CDH20: variants seen among roughly 807,000 people sequenced by gnomAD.
The protein encoded by CDH20 is cadherin 20.
CDH20 carries 29 observed loss-of-function variants against 74.2 expected under a neutral mutation model. That is an observed-to-expected ratio of 0.39 (90% CI 0.29 to 0.53). The LOEUF (loss-of-function observed/expected upper bound fraction) is 0.53, where lower values mean the gene tolerates loss of function less well. Ranked by LOEUF, CDH20 falls within the 20% of genes least tolerant of loss-of-function variation. CDH20 has a pLI of 0.69. For missense variants in CDH20, 988 were observed against 1,048.3 expected (o/e 0.94, Z 0.79); for synonymous variants, 469 against 405.4 (o/e 1.16, Z -1.88).
At chr18:61,482,222 C>G (rs1910613127) in intron 1 of CDH20, among the ~76,000 whole-genome samples, 1 of 152,096 alleles carries the variant, frequency 6.6e-6, no homozygotes, top group South Asian at 2.1e-4. Context: ...AGAGAAAGTT[C>G]CTGCCTCTTT....
intron 9 of CDH20, among the ~76,000 whole-genome samples, chr18:61,540,706 T>A (rs1913005207): frequency 6.6e-6 from 1 of 152,158 alleles, no homozygotes; most frequent in South Asian, 2.1e-4. Context: ...CCAAACCATA[T>A]CACTTCACTT....
chr18:61,490,061 C>T (rs1207655483), intron 1 of CDH20, among the ~76,000 whole-genome samples: 1 of 151,980 alleles, frequency 6.6e-6, no homozygotes, highest in East Asian at 1.9e-4. Flanking sequence ...AGTTTAAGAG[C>T]CTGTCTGATC....
At chr18:61,428,547 C>T (rs190002328) in intron 1 of CDH20, among the ~76,000 whole-genome samples, 26 of 152,252 alleles carry the variant, frequency 1.7e-4, no homozygotes, top group African/African-American at 6.3e-4. Context: ...CTCCATTTCC[C>T]ATCACTGTAG....
At chr18:61,438,559 A>G (rs889327399) in intron 1 of CDH20, among the ~76,000 whole-genome samples, 1 of 152,158 alleles carries the variant, frequency 6.6e-6, no homozygotes, top group African/African-American at 2.4e-5. Context: ...ACAATGAGAT[A>G]TCTCATGCCA....
chr18:61,537,132 T>G (rs1484013757), intron 8 of CDH20, among the ~76,000 whole-genome samples: 1 of 152,074 alleles, frequency 6.6e-6, no homozygotes, highest in Non-Finnish European at 1.5e-5. Flanking sequence ...TTAATATATA[T>G]TATAAACATA....
chr18:61,538,584 G>GTTTTTTTTTTTTTTTTTTT (rs1568182044), intron 8 of CDH20, among the ~76,000 whole-genome samples: 2 of 55,844 alleles, frequency 3.6e-5, no homozygotes, highest in African/African-American at 7.4e-5. Context: ...ACTACTTTTT[G>GTTTTTTTTTTTTTTTTTTT]TTTGTTTGTT....
intron 7 of CDH20, among the ~76,000 whole-genome samples, chr18:61,535,146 T>C (rs1449643729): frequency 6.6e-6 from 1 of 151,904 alleles, no homozygotes; most frequent in Non-Finnish European, 1.5e-5. Context: ...CAAAACCTTG[T>C]CTCTACTAAA....
chr18:61,444,613 A>G (rs772435453), intron 1 of CDH20, among the ~76,000 whole-genome samples: 5 of 152,156 alleles, frequency 3.3e-5, no homozygotes, highest in African/African-American at 4.8e-5. Context: ...GAGAGATTCA[A>G]CCCAAAGGGG....
At chr18:61,443,940 G>A (rs1241806081) in intron 1 of CDH20, among the ~76,000 whole-genome samples, 1 of 152,036 alleles carries the variant, frequency 6.6e-6, no homozygotes, top group Non-Finnish European at 1.5e-5. Context: ...GGTATGGGTA[G>A]TCCACCACTG....
At chr18:61,519,636 A>T (rs1245194418) in intron 6 of CDH20, among the ~76,000 whole-genome samples, 1 of 151,446 alleles carries the variant, frequency 6.6e-6, no homozygotes. Context: ...AAATATAGAA[A>T]GGAAAAACTG....
At chr18:61,407,989 T>C (rs1761217984) in intron 1 of CDH20, among the ~76,000 whole-genome samples, 1 of 152,230 alleles carries the variant, frequency 6.6e-6, no homozygotes, top group Non-Finnish European at 1.5e-5. Context: ...ATTGGTTATA[T>C]ATGTAAGATG....
At chr18:61,510,443 C>T (rs1389234858) in intron 6 of CDH20, among the ~76,000 whole-genome samples, 1 of 152,196 alleles carries the variant, frequency 6.6e-6, no homozygotes, top group Non-Finnish European at 1.5e-5. Context: ...ATGGAAGCCA[C>T]TGACAACCTT....
intron 6 of CDH20, among the ~76,000 whole-genome samples, chr18:61,525,634 C>T (rs750898572): frequency 1.3e-5 from 2 of 151,764 alleles, no homozygotes; most frequent in African/African-American, 2.4e-5. Context: ...AAATGGCTGG[C>T]GACTCATGAA....
intron 4 of CDH20, among the ~76,000 whole-genome samples, chr18:61,502,234 G>A (rs949459544): frequency 7.9e-5 from 12 of 152,060 alleles, no homozygotes; most frequent in Non-Finnish European, 1.0e-4. Context: ...ACATTTCAAC[G>A]GATTTGGTGT....
intron 1 of CDH20, among the ~76,000 whole-genome samples, chr18:61,477,865 G>C (rs545326555): frequency 6.6e-6 from 1 of 152,042 alleles, no homozygotes; most frequent in Non-Finnish European, 1.5e-5. Context: ...AGGTTGAAAT[G>C]ATATTTTATT....
chr18:61,512,405 T>A (rs1421847120), intron 6 of CDH20, among the ~76,000 whole-genome samples: 3 of 152,232 alleles, frequency 2.0e-5, no homozygotes, highest in Non-Finnish European at 4.4e-5. Flanking sequence ...ATAAAAATTC[T>A]ATATTTCATC....
chr18:61,500,299 A>G (rs1180590929), intron 3 of CDH20, 84 bp from the exon 4 acceptor site: 1 of 1,425,420 alleles, frequency 7.0e-7, no homozygotes, highest in South Asian at 1.5e-5. Flanking sequence ...CACATTTGCA[A>G]ATGCTTTAAG....
chr18:61,476,489 C>T (rs966162886), intron 1 of CDH20, among the ~76,000 whole-genome samples: 2 of 152,124 alleles, frequency 1.3e-5, no homozygotes, highest in Admixed American at 6.5e-5. Context: ...AAAATGACTG[C>T]TGTATTAACT....
chr18:61,459,499 C>A (rs1214594773), intron 1 of CDH20, among the ~76,000 whole-genome samples: 1 of 152,066 alleles, frequency 6.6e-6, no homozygotes, highest in East Asian at 1.9e-4. Flanking sequence ...ATACTAAGCC[C>A]AGAAATGGCC....
Sources: gnomAD v4.1 joint callset for allele counts (sites outside exome capture counted in the v4.1 genomes callset) on GRCh38, gnomAD v4.1.1 for gene constraint, MANE v1.5 for transcripts, NCBI Gene and HGNC (gene_info 2026-07-23, HGNC 2026-07-21) for gene names.